PTPRN2: variants seen among roughly 807,000 people sequenced by gnomAD.
PTPRN2 encodes protein tyrosine phosphatase receptor type N2, also known as receptor-type tyrosine-protein phosphatase N2.
A neutral mutation model predicts 118.8 loss-of-function variants in PTPRN2; 74 were observed. The ratio of observed to expected loss-of-function variants is 0.62; its 90% CI spans 0.52 to 0.76. The LOEUF (loss-of-function observed/expected upper bound fraction) is 0.76, where lower values mean the gene tolerates loss of function less well. Ranked by LOEUF, PTPRN2 falls within the 30% of genes least tolerant of loss-of-function variation. The pLI is 0.00. For synonymous variants in PTPRN2, 641 were observed against 608.0 expected, an observed-to-expected ratio of 1.05 and a Z score of -0.80; for missense variants, 1,481 against 1,394.4, an observed-to-expected ratio of 1.06 and a Z score of -0.99.
intron 11 of PTPRN2, among the ~76,000 whole-genome samples, chr7:158,049,703 C>A (rs944459521): frequency 6.6e-6 from 1 of 152,166 alleles, no homozygotes; most frequent in Admixed American, 6.5e-5. Flanking sequence ...GGGTTCAAGA[C>A]CAGCCTGGCC....
chr7:158,483,644 G>A (rs1264305702), intron 2 of PTPRN2, among the ~76,000 whole-genome samples: 1 of 152,170 alleles, frequency 6.6e-6, no homozygotes, highest in African/African-American at 2.4e-5. Context: ...CTTGTTTTGT[G>A]TTGGGTTGAA....
At position 157,881,609 on chromosome 7, in the gene PTPRN2, CT is replaced by C. The variant is rs1405288496; in HGVS notation, c.1788+17063del. ...ACCCTAGACATCTGAGGCCAAGCCCCTGTGACTGCAGGGATGCGTCTCTGCC... is the reference window on the plus strand; with the variant it reads ...ACCCTAGACATCTGAGGCCAAGCCCCGTGACTGCAGGGATGCGTCTCTGCC... On this transcript the variant is annotated intron_variant, in intron 12 of 22. Coordinates refer to ENST00000389418, the MANE Select transcript of PTPRN2 (RefSeq NM_002847.5). The surrounding 1 kb of genome is among the most constrained non-coding windows in gnomAD (Gnocchi z 4.7). Among the ~76,000 whole-genome samples, 5 of 152,176 alleles carry C rather than the reference CT, an allele frequency of 3.3e-5. No homozygotes were observed. The highest frequency in any genetic ancestry group is 7.3e-5 in the Non-Finnish European group (5 of 68,034).
intron 8 of PTPRN2, among the ~76,000 whole-genome samples, 173 bp from the exon 9 acceptor site, chr7:158,134,232 C>G (rs1290069904): frequency 1.3e-5 from 2 of 152,108 alleles, no homozygotes; most frequent in African/African-American, 4.8e-5. Flanking sequence ...GATGTCTAGC[C>G]GAGCATGAGG....
chr7:157,540,622 G>A lies in PTPRN2; in HGVS notation c.*92C>T, dbSNP rs1305806374. ...GAGCTAAGGGCCCTATTACTATGCA[G>A]TTATAATAGAAGACACACAATTAAA... is the stretch of plus-strand genomic sequence containing the variant. On this transcript the variant is annotated 3_prime_UTR_variant, in exon 23 of 23. Transcript: ENST00000389418. 3 of 1,129,720 alleles carry A rather than the reference G, an allele frequency of 2.7e-6. No individual in the cohort carries two copies. The African/African-American group carries it at 4.7e-5, about 18-fold the overall frequency. The allele number at this position is 1,129,720 out of a possible 1,614,324, so 70.0% of individuals were successfully genotyped here.
chr7:157,920,955 G>C (rs1328486787), intron 11 of PTPRN2, among the ~76,000 whole-genome samples: 2 of 152,178 alleles, frequency 1.3e-5, no homozygotes, highest in African/African-American at 4.8e-5. Context: ...ATTAGTATAT[G>C]ACCCAGCAGT....
intron 2 of PTPRN2, among the ~76,000 whole-genome samples, chr7:158,384,213 C>A (rs1811165451): frequency 1.3e-5 from 2 of 152,184 alleles, no homozygotes; most frequent in Admixed American, 1.3e-4. Flanking sequence ...TGGAGGTCAC[C>A]ACACAGGAGG....
At chr7:158,319,398 CCACACACACACACAGCCTCCCACA>C (rs1368191023) in intron 2 of PTPRN2, among the ~76,000 whole-genome samples, 2,898 of 118,784 alleles carry the variant, frequency 0.024, 354 homozygotes, top group African/African-American at 0.094. Context: ...ACACAGCCTC[CCACACACACACACAGCCTCCCACA>C]CACACACACA....
At chr7:157,933,280 G>T (rs1317070797) in intron 11 of PTPRN2, among the ~76,000 whole-genome samples, 1 of 139,606 alleles carries the variant, frequency 7.2e-6, no homozygotes, top group Non-Finnish European at 1.5e-5. Context: ...TTTAGAGGAG[G>T]GGTGAGTCAC....
chr7:157,823,204 G>T (rs535578406), intron 12 of PTPRN2, among the ~76,000 whole-genome samples: 15 of 152,202 alleles, frequency 9.9e-5, no homozygotes, highest in African/African-American at 3.6e-4. Context: ...AAAAAATAGA[G>T]CTAATAATCA....
intron 2 of PTPRN2, among the ~76,000 whole-genome samples, chr7:158,390,676 C>T (rs1057486834): frequency 2.0e-5 from 3 of 152,342 alleles, no homozygotes; most frequent in Non-Finnish European, 2.9e-5. Context: ...AGGCTTGCCC[C>T]GTCCCAGAGG....
intron 3 of PTPRN2, among the ~76,000 whole-genome samples, chr7:158,271,984 TTATA>T (rs964794216): frequency 1.3e-5 from 2 of 152,202 alleles, no homozygotes; most frequent in African/African-American, 2.4e-5. Flanking sequence ...TAATTTGTAC[TTATA>T]TACAAAAATG....
intron 2 of PTPRN2, among the ~76,000 whole-genome samples, chr7:158,430,638 C>T (rs1042118116): frequency 1.3e-5 from 2 of 152,206 alleles, no homozygotes; most frequent in African/African-American, 2.4e-5. Context: ...AGCATGGCTG[C>T]GGGACCAGTG....
intron 11 of PTPRN2, chr7:158,030,369 G>C (rs769643479): frequency 1.3e-5 from 2 of 152,220 alleles, no homozygotes; most frequent in African/African-American, 4.8e-5. Flanking sequence ...ATGGCTGCTC[G>C]GGGACTATGT....
rs368659855 is a variant in PTPRN2, at chr7:157,861,144, A to G, written c.1788+37529T>C. Among the ~76,000 whole-genome samples the G allele has an allele frequency of 9.1e-4, 139 of 152,306 alleles. No individual in the cohort carries two copies. The East Asian group carries it at 0.015, about 17-fold the overall frequency. The stretch of plus-strand genomic sequence containing the variant: ...CTTTGGGATGTCGGCAGAGGCACGC[A>G]TGCCTCCAGGGATGTGCCAGCTCAG... On this transcript the variant is annotated intron_variant, in intron 12 of 22. Coordinates refer to ENST00000389418, the MANE Select transcript of PTPRN2 (RefSeq NM_002847.5). This position sits in a 1 kb window ranked among gnomAD's most constrained non-coding sequence, Gnocchi z 5.8.
intron 12 of PTPRN2, among the ~76,000 whole-genome samples, chr7:157,726,634 A>G (rs1019139225): frequency 3.3e-5 from 5 of 152,274 alleles, no homozygotes; most frequent in African/African-American, 1.2e-4. Context: ...CACAGGCACA[A>G]AAGAAAAAAA....
At chr7:157,654,558 G>A (rs1481611991) in intron 14 of PTPRN2, among the ~76,000 whole-genome samples, 2 of 152,142 alleles carry the variant, frequency 1.3e-5, no homozygotes, top group African/African-American at 2.4e-5. Flanking sequence ...GACGCGTTCC[G>A]AAACAGGACC....
At chr7:157,653,935 C>T (rs1261482038) in intron 14 of PTPRN2, among the ~76,000 whole-genome samples, 2 of 127,894 alleles carry the variant, frequency 1.6e-5, no homozygotes, top group Admixed American at 8.1e-5. Context: ...CCCACCCCAA[C>T]TGCACACGAT....
chr7:157,895,056 C>CCCCT (rs11419587), intron 12 of PTPRN2, among the ~76,000 whole-genome samples: 2 of 151,822 alleles, frequency 1.3e-5, no homozygotes, highest in Admixed American at 6.6e-5. Context: ...ACCCCTCCCC[C>CCCCT]ACAGGAGGGG....
At chr7:157,542,110 C>T (rs1033891442) in intron 22 of PTPRN2, among the ~76,000 whole-genome samples, 5 of 152,218 alleles carry the variant, frequency 3.3e-5, no homozygotes, top group South Asian at 4.1e-4. Context: ...CTCGAAATTA[C>T]GTGGGAGCTG....
Sources: allele counts gnomAD v4.1 joint callset (sites outside exome capture counted in the v4.1 genomes callset), GRCh38; gene constraint gnomAD v4.1.1; non-coding constraint Gnocchi (gnomAD v3.1); transcripts MANE v1.5; gene names NCBI Gene and HGNC (gene_info 2026-07-23, HGNC 2026-07-21).